The following ZNF33B variants were observed in gnomAD, a reference collection of about 807,000 sequenced individuals.
The protein encoded by ZNF33B is zinc finger protein 11b (KOX 2).
ZNF33B carries 29 observed loss-of-function variants against 45.8 expected under a neutral mutation model. The observed-to-expected ratio is 0.63, with a 90% confidence interval of 0.47 to 0.86. The LOEUF is 0.86. Ranked by LOEUF, ZNF33B falls within the 40% of genes least tolerant of loss-of-function variation. The pLI, the probability that ZNF33B is intolerant of heterozygous loss-of-function variation, is 0.00. For missense variants in ZNF33B, 831 were observed against 909.9 expected, an observed-to-expected ratio of 0.91 and a Z score of 1.12; for synonymous variants, 305 against 307.8, an observed-to-expected ratio of 0.99 and a Z score of 0.10.
At chr10:42,586,458 T>C (rs1480736946), downstream of ZNF33B, among the ~76,000 whole-genome samples, 2 of 151,672 alleles carry the variant, frequency 1.3e-5, no homozygotes, top group South Asian at 2.1e-4. Flanking sequence ...CTTTTGTTTT[T>C]CAAAGAGACG....
intron 4 of ZNF33B, among the ~76,000 whole-genome samples, chr10:42,621,357 AAATG>A (rs1246342042): frequency 1.3e-5 from 2 of 152,076 alleles, no homozygotes; most frequent in East Asian, 1.9e-4. Flanking sequence ...GCAAATGAAT[AAATG>A]AATGAATGAA....
In ZNF33B at chr10:42,590,345, G is replaced by A. The variant is rs1246637645; in HGVS notation, c.*2268C>T. ...TAAGTATCTCGAAAAATGCACATCA[G>A]TGAATCCATTTGGTCCCGGCACTTT... On this transcript the variant is annotated 3_prime_UTR_variant, in exon 5 of 5. Coordinates refer to ENST00000359467, the MANE Select transcript of ZNF33B (RefSeq NM_006955.3). The A allele has an allele frequency of 6.6e-6, 1 of 152,090 alleles. No individual in the cohort carries two copies. Among genetic ancestry groups the A allele is most frequent in the African/African-American group, 2.4e-5 (1 of 41,412 alleles). 9.4% of individuals were successfully genotyped at this position (152,090 alleles called of 1,614,324 possible).
chr10:42,615,299 T>C (rs1215683818), intron 4 of ZNF33B, among the ~76,000 whole-genome samples: 5 of 152,140 alleles, frequency 3.3e-5, no homozygotes, highest in African/African-American at 1.2e-4. Context: ...TTCATAATAG[T>C]CAAGAAGTAG....
chr10:42,637,076 C>G, intron 1 of ZNF33B, 104 bp from the exon 2 acceptor site: 1 of 1,104,408 alleles, frequency 9.1e-7, no homozygotes, highest in Non-Finnish European at 1.3e-6. Context: ...AGGTAAAATG[C>G]TCCGTCTGGG....
chr10:42,576,307 T>C (rs1019434266), intron 1 of ZNF33B, among the ~76,000 whole-genome samples: 10 of 152,136 alleles, frequency 6.6e-5, no homozygotes, highest in Non-Finnish European at 1.3e-4. Flanking sequence ...ATTTTTATCA[T>C]AGGTACTAAT....
intron 4 of ZNF33B, among the ~76,000 whole-genome samples, chr10:42,629,715 C>G (rs1337751464): frequency 6.6e-6 from 1 of 151,968 alleles, no homozygotes. Context: ...TATTTGTTTT[C>G]TTTTCTGTTT....
At position 42,592,834 on chromosome 10, in the gene ZNF33B, A is replaced by T. The variant is rs748420861; in HGVS notation, c.2116T>A (p.Ser706Thr). The T allele has an allele frequency of 1.4e-5, 23 of 1,613,988 alleles. No individual in the cohort carries two copies. Among genetic ancestry groups the T allele is most frequent in the African/African-American group, 2.7e-5 (2 of 74,920 alleles). The change falls in exon 5 of 5, where the codon TCA becomes ACA. Residue 706 changes from serine (S) to threonine (T), a missense_variant. By Grantham distance (58) the Ser-to-Thr change is moderately conservative (BLOSUM62 1). Coordinates refer to ENST00000359467, the MANE Select transcript of ZNF33B (RefSeq NM_006955.3). The stretch of plus-strand genomic sequence containing the variant: ...GCCCTGTGATGTACTGTGAGTGATG[A>T]TTTGTGACTGAAGGATTTCCCACAT... Reference protein sequence around the residue: ...NECGKSFSHKSSLTVHHRAHT... With the variant: ...NECGKSFSHKTSLTVHHRAHT...
rs1284980495 is a variant in ZNF33B at position 42,623,278 on chromosome 10, T to C, written c.250+8651A>G. ...AGACTCTGTCTCAAAAACAAATATCTGTGTATATATACACATTAAAAATAA... is the reference window on the plus strand; with the variant it reads ...AGACTCTGTCTCAAAAACAAATATCCGTGTATATATACACATTAAAAATAA... On this transcript the variant is annotated intron_variant, in intron 4 of 4. Coordinates refer to ENST00000359467, the MANE Select transcript of ZNF33B (RefSeq NM_006955.3). Among the ~76,000 whole-genome samples the C allele has an allele frequency of 2.0e-5, 3 of 152,278 alleles. No homozygotes were observed. In the East Asian group the frequency reaches 5.8e-4, roughly 29 times the overall value.
intron 1 of ZNF33B, among the ~76,000 whole-genome samples, chr10:42,575,015 CAT>C (rs1255339611): frequency 1.4e-4 from 21 of 152,210 alleles, no homozygotes; most frequent in Non-Finnish European, 1.0e-4. Flanking sequence ...AAGGGTATTA[CAT>C]GTCTCCCATA....
chr10:42,628,565 C>G (rs762272142), intron 4 of ZNF33B, among the ~76,000 whole-genome samples: 25 of 152,274 alleles, frequency 1.6e-4, no homozygotes, highest in Middle Eastern at 3.4e-3. Context: ...ATCCTTTTAT[C>G]ATTATATAAT....
intron 4 of ZNF33B, among the ~76,000 whole-genome samples, chr10:42,603,274 ACT>A (rs1381656369): frequency 1.3e-5 from 2 of 152,068 alleles, no homozygotes; most frequent in Non-Finnish European, 2.9e-5. Flanking sequence ...GAGTTCCAAA[ACT>A]CTCCTCCAGA....
At chr10:42,628,755 C>A (rs938426823) in intron 4 of ZNF33B, among the ~76,000 whole-genome samples, 1 of 151,980 alleles carries the variant, frequency 6.6e-6, no homozygotes, top group African/African-American at 2.4e-5. Context: ...TAGAGAACGC[C>A]ACCGATCATA....
At chr10:42,599,134 T>C (rs1488102745) in intron 4 of ZNF33B, among the ~76,000 whole-genome samples, 1 of 152,170 alleles carries the variant, frequency 6.6e-6, no homozygotes, top group East Asian at 1.9e-4. Context: ...TAGTATTCCC[T>C]CACTTCCTTC....
intron 2 of ZNF33B, among the ~76,000 whole-genome samples, chr10:42,635,224 G>C (rs1839235486): frequency 1.3e-5 from 2 of 149,120 alleles, no homozygotes; most frequent in Admixed American, 6.7e-5. Context: ...CTGAGTGACA[G>C]AGTGAGACAT....
intron 4 of ZNF33B, among the ~76,000 whole-genome samples, chr10:42,629,182 C>T (rs1838939945): frequency 6.6e-6 from 1 of 151,854 alleles, no homozygotes; most frequent in African/African-American, 2.4e-5. Context: ...AATGGAGGCA[C>T]AGAATGTTAA....
intron 2 of ZNF33B, among the ~76,000 whole-genome samples, chr10:42,634,933 T>A (rs1839219420): frequency 6.6e-6 from 1 of 152,190 alleles, no homozygotes; most frequent in Admixed American, 6.5e-5. Context: ...ATTGGTAAAC[T>A]TTTTCTGTAA....
downstream of ZNF33B, among the ~76,000 whole-genome samples, chr10:42,584,896 C>A (rs1465846800): frequency 6.6e-6 from 1 of 152,202 alleles, no homozygotes; most frequent in African/African-American, 2.4e-5. Flanking sequence ...AGGATTAGGA[C>A]AGGAGAACCC....
intron 4 of ZNF33B, among the ~76,000 whole-genome samples, chr10:42,623,096 G>A (rs1480182300): frequency 2.0e-5 from 3 of 152,110 alleles, no homozygotes; most frequent in Non-Finnish European, 4.4e-5. Flanking sequence ...GTGAAACCCC[G>A]TCTCTACTAA....
At chr10:42,606,760 C>T (rs1013738022) in intron 4 of ZNF33B, among the ~76,000 whole-genome samples, 1 of 150,356 alleles carries the variant, frequency 6.7e-6, no homozygotes, top group Non-Finnish European at 1.5e-5. Context: ...TGTAACAAAC[C>T]TCCATGTTCT....
Sources: allele counts gnomAD v4.1 joint callset (sites outside exome capture counted in the v4.1 genomes callset), GRCh38; gene constraint gnomAD v4.1.1; transcripts MANE v1.5; gene names NCBI Gene and HGNC (gene_info 2026-07-23, HGNC 2026-07-21).